The following STK3 variants were observed in gnomAD, a reference collection of about 807,000 sequenced individuals.
The protein encoded by STK3 is serine/threonine kinase 3, also known as serine/threonine-protein kinase 3.
Under a neutral mutation model 58.0 loss-of-function variants are expected in STK3, and 41 were observed. The ratio of observed to expected loss-of-function variants is 0.71; its 90% CI spans 0.55 to 0.92. The LOEUF (loss-of-function observed/expected upper bound fraction) is 0.92. Among genes scored for constraint, STK3 ranks in the 40% least tolerant of loss-of-function variants. STK3 has a pLI of 0.00. For synonymous variants in STK3, 170 were observed against 191.0 expected (o/e 0.89, Z 0.91); for missense variants, 479 against 602.7 (o/e 0.79, Z 2.15).
chr8:98,650,394 A>G (rs1320190085), intron 6 of STK3, among the ~76,000 whole-genome samples: 1 of 152,266 alleles, frequency 6.6e-6, no homozygotes, highest in Non-Finnish European at 1.5e-5. Flanking sequence ...TCTGGTCTAC[A>G]GCTCTCAGCG....
intron 1 of STK3, among the ~76,000 whole-genome samples, chr8:98,937,521 T>C (rs1278811384): frequency 3.3e-5 from 5 of 152,242 alleles, no homozygotes; most frequent in Non-Finnish European, 7.3e-5. Context: ...ACTTTAACAA[T>C]TTAACAAAAC....
At chr8:98,539,847 G>T (rs1810089422) in intron 9 of STK3, among the ~76,000 whole-genome samples, 1 of 152,084 alleles carries the variant, frequency 6.6e-6, no homozygotes, top group Non-Finnish European at 1.5e-5. Context: ...TCTGCCTCCT[G>T]GGTTCCAGCG....
chr8:98,641,821 C>A (rs1820042676), intron 6 of STK3, among the ~76,000 whole-genome samples: 1 of 152,158 alleles, frequency 6.6e-6, no homozygotes, highest in African/African-American at 2.4e-5. Flanking sequence ...GAGTATAATT[C>A]TCTCTGCCTA....
In STK3 at chr8:98,783,768, A is replaced by C. The variant is rs1027469229; in HGVS notation, c.27-8949T>G. On this transcript the variant is annotated intron_variant, in intron 1 of 10. Transcript: ENST00000419617. ...CTCAATTAAGATTATGGAATATTCT[A>C]AATCCTTTTTTATTTCCAAGATGGC... Among the ~76,000 whole-genome samples, 5 of 152,258 alleles carry C rather than the reference A, an allele frequency of 3.3e-5. No homozygotes were observed. The East Asian group carries it at 9.6e-4, about 29-fold the overall frequency.
At chr8:98,836,912 A>C (rs934072206) in intron 3 of STK3, among the ~76,000 whole-genome samples, 2 of 152,218 alleles carry the variant, frequency 1.3e-5, no homozygotes, top group African/African-American at 4.8e-5. Flanking sequence ...AAACTGAGAA[A>C]ATTTTAAAAC....
At chr8:98,417,243 G>A (rs1347151949) in intron 3 of STK3, among the ~76,000 whole-genome samples, 6 of 152,156 alleles carry the variant, frequency 3.9e-5, no homozygotes, top group Non-Finnish European at 7.3e-5. Context: ...GGCCGGGTGC[G>A]GTGGCTCATG....
At chr8:98,596,258 T>G in intron 6 of STK3, 89 bp from the exon 7 acceptor site, 1 of 1,422,278 alleles carries the variant, frequency 7.0e-7, no homozygotes, top group South Asian at 1.6e-5. Context: ...TTTATCAGAC[T>G]CTAAATTTGA....
chr8:98,651,737 A>G (rs945715079), intron 6 of STK3: 2 of 152,226 alleles, frequency 1.3e-5, no homozygotes, highest in African/African-American at 4.8e-5. Context: ...AAGAAAGGGT[A>G]TCAGTGATGG....
chr8:98,443,543 G>A (rs183297388), intron 1 of STK3, among the ~76,000 whole-genome samples: 1 of 152,226 alleles, frequency 6.6e-6, no homozygotes, highest in Non-Finnish European at 1.5e-5. Flanking sequence ...TAAAAATTGG[G>A]TTTCTAAGGC....
chr8:98,858,144 G>A (rs1217980597), intron 3 of STK3, among the ~76,000 whole-genome samples: 12 of 151,386 alleles, frequency 7.9e-5, no homozygotes, highest in East Asian at 5.8e-4. Context: ...GTCCTTGGGA[G>A]GCCGAGGTGA....
At chr8:98,738,819 G>A (rs370523430) in intron 4 of STK3, among the ~76,000 whole-genome samples, 1 of 152,254 alleles carries the variant, frequency 6.6e-6, no homozygotes, top group Non-Finnish European at 1.5e-5. Context: ...AAGGGGTTCA[G>A]GGAGTTCCCT....
At chr8:98,344,953 G>C in the STK3 span, among the ~76,000 whole-genome samples, 1 of 150,728 alleles carries the variant, frequency 6.6e-6, no homozygotes, top group East Asian at 1.9e-4. Flanking sequence ...TCACCTTGTG[G>C]TGCTAATCCC....
At chr8:98,646,920 C>T (rs541964015) in intron 6 of STK3, among the ~76,000 whole-genome samples, 1 of 152,236 alleles carries the variant, frequency 6.6e-6, no homozygotes, top group South Asian at 2.1e-4. Flanking sequence ...TCTTTGCCCA[C>T]CCCGCCCCCA....
At chr8:98,825,840 CCCGCCCCGCCCCCGG>C (rs1835258276), upstream of STK3, among the ~76,000 whole-genome samples, 2 of 53,222 alleles carry the variant, frequency 3.8e-5, no homozygotes, top group Admixed American at 2.0e-4. Context: ...CCCCGGCCGC[CCCGCCCCGCCCCCGG>C]CCGCCCCGCC....
chr8:98,351,068 A>G, the STK3 span, among the ~76,000 whole-genome samples: 1 of 152,242 alleles, frequency 6.6e-6, no homozygotes, highest in Non-Finnish European at 1.5e-5. Flanking sequence ...CCAAGACAGA[A>G]AATGTGAGCC....
chr8:98,540,049 C>T (rs116992326), intron 9 of STK3, among the ~76,000 whole-genome samples: 19 of 152,216 alleles, frequency 1.2e-4, no homozygotes, highest in East Asian at 1.2e-3. Flanking sequence ...CCACTGCGCC[C>T]GGCCTCTCCA....
intron 1 of STK3, among the ~76,000 whole-genome samples, chr8:98,822,062 A>G (rs1564034058): frequency 7.0e-6 from 1 of 142,390 alleles, no homozygotes; most frequent in African/African-American, 2.5e-5. Context: ...ATACACACAC[A>G]CACATACACA....
intron 6 of STK3, among the ~76,000 whole-genome samples, chr8:98,602,876 T>TGAAAA (rs1491559534): frequency 8.1e-5 from 11 of 136,366 alleles, no homozygotes; most frequent in African/African-American, 2.6e-4. Context: ...TCCAAATAAC[T>TGAAAA]AAAAAAAAAA....
intron 6 of STK3, among the ~76,000 whole-genome samples, chr8:98,647,082 C>T (rs1057200729): frequency 6.6e-6 from 1 of 152,206 alleles, no homozygotes; most frequent in East Asian, 1.9e-4. Context: ...CTTTCTCTGA[C>T]ATTATCTCCT....
Sources: allele counts gnomAD v4.1 joint callset (sites outside exome capture counted in the v4.1 genomes callset), GRCh38; gene constraint gnomAD v4.1.1; transcripts MANE v1.5; gene names NCBI Gene and HGNC (gene_info 2026-07-23, HGNC 2026-07-21).